Variants in ZFPM2 observed in about 807,000 individuals in gnomAD.
The protein encoded by ZFPM2 is zinc finger protein, FOG family member 2.
In ZFPM2, 20 loss-of-function variants were observed where a neutral mutation model predicts 98.6. That is an observed-to-expected ratio of 0.20 (90% CI 0.14 to 0.29). The LOEUF (loss-of-function observed/expected upper bound fraction) is 0.29. Among genes scored for constraint, ZFPM2 ranks in the 10% least tolerant of loss-of-function variants. ZFPM2 has a pLI of 1.00. For synonymous variants in ZFPM2, 518 were observed against 502.7 expected (o/e 1.03, Z -0.41); for missense variants, 1,310 against 1,388.6 (o/e 0.94, Z 0.90).
At chr8:105,523,400 G>C (rs1814104533) in intron 3 of ZFPM2, among the ~76,000 whole-genome samples, 1 of 152,150 alleles carries the variant, frequency 6.6e-6, no homozygotes, top group Admixed American at 6.6e-5. Flanking sequence ...CCACTAGCTG[G>C]TCTTCCATAC....
At chr8:105,339,213 A>G (rs542715157) in intron 1 of ZFPM2, among the ~76,000 whole-genome samples, 2 of 152,006 alleles carry the variant, frequency 1.3e-5, no homozygotes, top group Non-Finnish European at 2.9e-5. Flanking sequence ...ACACCGAACA[A>G]TAGAACTGCT....
chr8:105,589,206 A>G (rs538853198), intron 4 of ZFPM2, among the ~76,000 whole-genome samples: 2 of 152,324 alleles, frequency 1.3e-5, no homozygotes, highest in South Asian at 2.1e-4. Flanking sequence ...TTTTTGTGCC[A>G]TTAAAGTTAT....
chr8:105,707,329 T>C (rs779771250), intron 5 of ZFPM2, among the ~76,000 whole-genome samples: 7 of 152,042 alleles, frequency 4.6e-5, no homozygotes, highest in Non-Finnish European at 8.8e-5. Context: ...TGAGGCTCTA[T>C]GTAAAGGTGA....
intron 1 of ZFPM2, among the ~76,000 whole-genome samples, chr8:105,407,863 C>T (rs1586350800): frequency 6.6e-6 from 1 of 151,916 alleles, no homozygotes; most frequent in African/African-American, 2.4e-5. Flanking sequence ...GCCTGGTTTT[C>T]TTCCTGCATA....
chr8:105,540,546 TATTG>T (rs1355688569), intron 3 of ZFPM2, among the ~76,000 whole-genome samples: 8 of 152,126 alleles, frequency 5.3e-5, no homozygotes, highest in African/African-American at 1.9e-4. Context: ...TTCTAAAAAC[TATTG>T]AAATGAAACA....
chr8:105,381,323 C>A (rs1478211611), intron 1 of ZFPM2, among the ~76,000 whole-genome samples: 2 of 151,756 alleles, frequency 1.3e-5, no homozygotes, highest in Non-Finnish European at 2.9e-5. Flanking sequence ...GTATATGTGC[C>A]ACATTTTCTT....
At chr8:105,723,935 C>T (rs1811737346) in intron 5 of ZFPM2, among the ~76,000 whole-genome samples, 1 of 151,494 alleles carries the variant, frequency 6.6e-6, no homozygotes, top group African/African-American at 2.4e-5. Flanking sequence ...CATCCAGGAA[C>T]TTGTTTGTAG....
chr8:105,547,283 C>T (rs951051837), intron 3 of ZFPM2, among the ~76,000 whole-genome samples: 1 of 151,898 alleles, frequency 6.6e-6, no homozygotes, highest in African/African-American at 2.4e-5. Flanking sequence ...TGGCTCACAC[C>T]TGTAATCCCA....
At position 105,627,710 on chromosome 8, in the gene ZFPM2, CTT is replaced by C. The variant is rs1278351409; in HGVS notation, c.421-6534_421-6533del. Reference sequence around the variant, plus strand: ...GACCACTGTGTTTGCCAGTCCACCTCTTTGTTTCCATGATTGCTTCAGCAAAA... The same window carrying C: ...GACCACTGTGTTTGCCAGTCCACCTCTGTTTCCATGATTGCTTCAGCAAAA... On this transcript the variant is annotated intron_variant, in intron 4 of 7. Coordinates refer to ENST00000407775, the MANE Select transcript of ZFPM2 (RefSeq NM_012082.4). 3.3e-5 allele frequency among the ~76,000 whole-genome samples: 5 copies of C among 152,286 alleles called. No individual in the cohort carries two copies. The East Asian group carries it at 9.7e-4, about 29-fold the overall frequency.
intron 5 of ZFPM2, among the ~76,000 whole-genome samples, chr8:105,655,051 T>C (rs888235277): frequency 1.4e-4 from 21 of 152,256 alleles, no homozygotes; most frequent in African/African-American, 5.1e-4. Flanking sequence ...ATAGTAATGA[T>C]AAATAAAATC....
intron 1 of ZFPM2, among the ~76,000 whole-genome samples, chr8:105,356,118 T>G (rs2957454): frequency 0.43 from 64,909 of 152,158 alleles, 16,249 homozygotes; most frequent in Middle Eastern, 0.59. Context: ...GTGGTTAAAC[T>G]TTCCACTTTC....
chr8:105,328,124 T>C (rs1375661603), intron 1 of ZFPM2, among the ~76,000 whole-genome samples: 4 of 151,908 alleles, frequency 2.6e-5, no homozygotes, highest in East Asian at 1.9e-4. Context: ...TGTGATGTTA[T>C]ATAGCCCATA....
intron 1 of ZFPM2, among the ~76,000 whole-genome samples, chr8:105,356,747 C>A (rs1812754615): frequency 6.6e-6 from 1 of 152,214 alleles, no homozygotes; most frequent in Non-Finnish European, 1.5e-5. Flanking sequence ...CTTCCCCCGA[C>A]AGTTGATGAC....
In ZFPM2 at chr8:105,710,251, C is replaced by T. The variant is rs549844161; in HGVS notation, c.532+75894C>T. Among the ~76,000 whole-genome samples the T allele has an allele frequency of 2.0e-4, 30 of 152,188 alleles. No individual in the cohort carries two copies. In the South Asian group the frequency reaches 5.8e-3, roughly 30 times the overall value. ...CAAGTACTGCTTTTCATTTATGCAACATGTCTAATGTGGTCACCAGGGAGG... is the reference window on the plus strand; with the variant it reads ...CAAGTACTGCTTTTCATTTATGCAATATGTCTAATGTGGTCACCAGGGAGG... On this transcript the variant is annotated intron_variant, in intron 5 of 7. Coordinates refer to ENST00000407775, the MANE Select transcript of ZFPM2 (RefSeq NM_012082.4).
At chr8:105,452,280 C>A (rs1271245444) in intron 3 of ZFPM2, among the ~76,000 whole-genome samples, 1 of 150,274 alleles carries the variant, frequency 6.7e-6, no homozygotes, top group Non-Finnish European at 1.5e-5. Flanking sequence ...TTTGAATAAC[C>A]ACTACCCACC....
chr8:105,513,439 A>G (rs1223266931), intron 3 of ZFPM2, among the ~76,000 whole-genome samples: 3 of 152,172 alleles, frequency 2.0e-5, no homozygotes, highest in East Asian at 1.9e-4. Flanking sequence ...CTCATGGGGG[A>G]AAAGTCCCTT....
chr8:105,782,906 C>T (rs1813291963), intron 5 of ZFPM2, among the ~76,000 whole-genome samples: 1 of 152,080 alleles, frequency 6.6e-6, no homozygotes, highest in South Asian at 2.1e-4. Flanking sequence ...CCACAGAAAA[C>T]ATGTTTAGAT....
intron 3 of ZFPM2, among the ~76,000 whole-genome samples, chr8:105,485,315 G>T (rs4565433): frequency 0.85 from 129,239 of 151,288 alleles, 55,180 homozygotes; most frequent in East Asian, 0.97. Context: ...TTGTTTGTTT[G>T]TTTTTGATTG....
chr8:105,401,249 A>C (rs1811334868), intron 1 of ZFPM2, among the ~76,000 whole-genome samples: 1 of 129,088 alleles, frequency 7.7e-6, no homozygotes. Flanking sequence ...TAAGTTTTAC[A>C]TTCTTCCTTC....
Sources: gnomAD v4.1 joint callset for allele counts (sites outside exome capture counted in the v4.1 genomes callset) on GRCh38, gnomAD v4.1.1 for gene constraint, MANE v1.5 for transcripts, NCBI Gene and HGNC (gene_info 2026-07-23, HGNC 2026-07-21) for gene names.